PGCKA1: variants seen among roughly 807,000 people sequenced by gnomAD.
PGCKA1 encodes PDCD10 and GCKIII kinases associated 1.
At chr4:37,470,606 C>T in the PGCKA1 span, among the ~76,000 whole-genome samples, 1 of 152,114 alleles carries the variant, frequency 6.6e-6, no homozygotes, top group Non-Finnish European at 1.5e-5. Flanking sequence ...CATTTTATAT[C>T]TGAAAGTCGG....
the PGCKA1 span, among the ~76,000 whole-genome samples, chr4:37,490,601 G>A: frequency 2.0e-5 from 3 of 152,268 alleles, no homozygotes; most frequent in Admixed American, 6.5e-5. Flanking sequence ...ACACACAAGA[G>A]TCTAAACAGA....
At chr4:37,590,559 G>C in the PGCKA1 span, 1 of 1,614,178 alleles carries the variant, frequency 6.2e-7, no homozygotes, top group South Asian at 1.1e-5. Flanking sequence ...CTCCTTCTGA[G>C]GCAGAAAGTT....
the PGCKA1 span, among the ~76,000 whole-genome samples, chr4:37,510,435 G>T: frequency 1.3e-5 from 2 of 152,124 alleles, no homozygotes; most frequent in Admixed American, 6.5e-5. Context: ...GCAAGCCCAG[G>T]ATCACTGTGG....
At chr4:37,491,772 A>T in the PGCKA1 span, among the ~76,000 whole-genome samples, 6 of 151,694 alleles carry the variant, frequency 4.0e-5, no homozygotes, top group African/African-American at 1.5e-4. Flanking sequence ...GTGGGTTTTT[A>T]TTTTGTTTTA....
the PGCKA1 span, among the ~76,000 whole-genome samples, chr4:37,490,132 A>G: frequency 7.9e-5 from 12 of 152,120 alleles, no homozygotes; most frequent in Admixed American, 3.9e-4. Context: ...TTGAAACTCA[A>G]TTTTCAGCAC....
At chr4:37,532,760 T>G in the PGCKA1 span, among the ~76,000 whole-genome samples, 2 of 152,196 alleles carry the variant, frequency 1.3e-5, no homozygotes. Context: ...AAAGAGAAGC[T>G]AAAAAGTATG....
the PGCKA1 span, among the ~76,000 whole-genome samples, chr4:37,521,589 C>T: frequency 0.2 from 30,809 of 151,848 alleles, 3,815 homozygotes; most frequent in African/African-American, 0.35. Context: ...TTTTAAGACT[C>T]GTTTCATGAC....
the PGCKA1 span, among the ~76,000 whole-genome samples, chr4:37,560,140 C>T: frequency 3.9e-5 from 6 of 152,208 alleles, no homozygotes; most frequent in African/African-American, 1.4e-4. Flanking sequence ...GGACCATGTC[C>T]TTCATTGTAG....
At chr4:37,454,192 A>G in the PGCKA1 span, among the ~76,000 whole-genome samples, 10 of 151,998 alleles carry the variant, frequency 6.6e-5, no homozygotes, top group South Asian at 2.1e-3. Flanking sequence ...AAAATTAGAG[A>G]CGCAATTCAA....
At chr4:37,459,062 C>T in the PGCKA1 span, among the ~76,000 whole-genome samples, 12 of 152,182 alleles carry the variant, frequency 7.9e-5, no homozygotes, top group South Asian at 1.0e-3. Flanking sequence ...CTCAGTACCA[C>T]GACGGAGCTC....
At chr4:37,478,892 G>T in the PGCKA1 span, among the ~76,000 whole-genome samples, 8 of 152,284 alleles carry the variant, frequency 5.3e-5, no homozygotes, top group African/African-American at 4.8e-5. Context: ...TAAACATCTT[G>T]TCATCCCCCA....
At chr4:37,519,896 C>CTGTCATATA in the PGCKA1 span, among the ~76,000 whole-genome samples, 2 of 152,130 alleles carry the variant, frequency 1.3e-5, no homozygotes, top group Admixed American at 6.5e-5. Flanking sequence ...AGCTGTGGGT[C>CTGTCATATA]TGTCATATAT....
the PGCKA1 span, among the ~76,000 whole-genome samples, chr4:37,546,471 T>C: frequency 6.6e-6 from 1 of 152,348 alleles, no homozygotes; most frequent in Non-Finnish European, 1.5e-5. Context: ...ACCTGTCACA[T>C]GTCCCCTAGA....
At chr4:37,586,648 G>A in the PGCKA1 span, among the ~76,000 whole-genome samples, 5 of 152,204 alleles carry the variant, frequency 3.3e-5, no homozygotes, top group South Asian at 2.1e-4. Flanking sequence ...GGTGGCTCAC[G>A]CCTGTAATCC....
At chr4:37,507,698 A>G in the PGCKA1 span, among the ~76,000 whole-genome samples, 1 of 152,158 alleles carries the variant, frequency 6.6e-6, no homozygotes, top group African/African-American at 2.4e-5. Context: ...TGTCTAAAAA[A>G]ACATAGTTTG....
chr4:37,563,280 C>T, the PGCKA1 span, among the ~76,000 whole-genome samples: 5,748 of 152,188 alleles, frequency 0.038, 277 homozygotes, highest in East Asian at 0.14. Context: ...TCCTGGAGGC[C>T]GGGAGGTCCA....
chr4:37,505,600 G>C, the PGCKA1 span, among the ~76,000 whole-genome samples: 1 of 152,180 alleles, frequency 6.6e-6, no homozygotes, highest in African/African-American at 2.4e-5. Flanking sequence ...AGCAAGTCAC[G>C]TCTTACATGG....
the PGCKA1 span, among the ~76,000 whole-genome samples, chr4:37,548,311 G>A: frequency 2.0e-5 from 3 of 151,872 alleles, no homozygotes; most frequent in Non-Finnish European, 2.9e-5. Context: ...ATTATAAGGA[G>A]GCATAAGAAT....
chr4:37,468,749 C>A, the PGCKA1 span, among the ~76,000 whole-genome samples: 1 of 152,072 alleles, frequency 6.6e-6, no homozygotes, highest in African/African-American at 2.4e-5. Context: ...TATACCCCCC[C>A]ACACACATAT....
Sources: allele counts gnomAD v4.1 joint callset (sites outside exome capture counted in the v4.1 genomes callset), GRCh38; gene constraint gnomAD v4.1.1; transcripts MANE v1.5; gene names NCBI Gene and HGNC (gene_info 2026-07-23, HGNC 2026-07-21).